Variants in KALRN observed in about 807,000 individuals in gnomAD.
KALRN encodes the protein kalirin RhoGEF kinase, also known as kalirin.
KALRN carries 70 observed loss-of-function variants against 353.7 expected under a neutral mutation model. The ratio of observed to expected loss-of-function variants is 0.20; its 90% CI spans 0.16 to 0.24. The LOEUF is 0.24. Among genes scored for constraint, KALRN ranks in the 10% least tolerant of loss-of-function variants. The probability of loss-of-function intolerance (pLI) is 1.00; values close to 1 mark genes in which losing one functional copy is unlikely to be tolerated. For missense variants in KALRN, 2,791 were observed against 3,756.7 expected, an observed-to-expected ratio of 0.74 and a Z score of 6.72; for synonymous variants, 1,391 against 1,434.8, an observed-to-expected ratio of 0.97 and a Z score of 0.69.
chr3:124,499,757 C>T (rs918640835), intron 33 of KALRN, among the ~76,000 whole-genome samples: 1 of 152,158 alleles, frequency 6.6e-6, no homozygotes, highest in East Asian at 1.9e-4. Flanking sequence ...ATTACCGTCA[C>T]GTATTAATTT....
chr3:124,596,051 AATG>A (rs1347601444), intron 34 of KALRN, among the ~76,000 whole-genome samples: 1 of 152,208 alleles, frequency 6.6e-6, no homozygotes, highest in Non-Finnish European at 1.5e-5. Context: ...CTACAAATAG[AATG>A]ATATCATTTC....
intron 6 of KALRN, among the ~76,000 whole-genome samples, chr3:124,304,959 G>A (rs1182261785): frequency 6.6e-6 from 1 of 152,190 alleles, no homozygotes; most frequent in East Asian, 1.9e-4. Context: ...CAGTGGCTGT[G>A]CAATGTGTGC....
intron 3 of KALRN, among the ~76,000 whole-genome samples, chr3:124,239,956 G>A (rs1211751521): frequency 1.3e-5 from 2 of 152,142 alleles, no homozygotes; most frequent in African/African-American, 4.8e-5. Flanking sequence ...GAACATTTAG[G>A]TCACATTGTT....
chr3:124,672,760 C>G (rs756861403), intron 48 of KALRN, among the ~76,000 whole-genome samples: 3 of 152,212 alleles, frequency 2.0e-5, no homozygotes, highest in Non-Finnish European at 4.4e-5. Flanking sequence ...ATCAGGCAAA[C>G]CTGGTTTCTA....
Position 124,327,949 on chromosome 3 carries a change from T to C in KALRN, c.1284+1778T>C, listed in dbSNP as rs543133828. 7.2e-5 allele frequency among the ~76,000 whole-genome samples: 11 copies of C among 152,344 alleles called. 1 individual carries two copies. The highest frequency in any genetic ancestry group is 2.6e-4 in the African/African-American group (11 of 41,576). On this transcript the variant is annotated intron_variant, in intron 7 of 59. Coordinates refer to ENST00000682506, the MANE Select transcript of KALRN (RefSeq NM_001388419.1). ...CATTCTGAGCTTGTTTCCTCTTCCG[T>C]AATGTGGAGCTAATCATAAATGGCA...
chr3:124,595,117 T>A (rs1231745317), intron 34 of KALRN, among the ~76,000 whole-genome samples: 1 of 152,048 alleles, frequency 6.6e-6, no homozygotes, highest in African/African-American at 2.4e-5. Flanking sequence ...TAAGTGAAGA[T>A]AAAATTATAT....
At chr3:124,625,049 G>C (rs985929341) in intron 34 of KALRN, among the ~76,000 whole-genome samples, 5 of 152,134 alleles carry the variant, frequency 3.3e-5, no homozygotes, top group African/African-American at 7.2e-5. Context: ...AATTAGGGGA[G>C]GTTTTTATGG....
At chr3:124,482,784 T>G (rs1287916364) in intron 27 of KALRN, 24 bp from the exon 28 acceptor site, 1 of 1,520,104 alleles carries the variant, frequency 6.6e-7, no homozygotes, top group Non-Finnish European at 9.1e-7. Context: ...TGTGTCTAAT[T>G]GCACATTGTT....
At chr3:124,071,756 A>G (rs781317461) in intron 1 of KALRN, among the ~76,000 whole-genome samples, 1 of 152,140 alleles carries the variant, frequency 6.6e-6, no homozygotes, top group Non-Finnish European at 1.5e-5. Context: ...ATACCATCAC[A>G]TTGGCCATTA....
At chr3:124,173,207 G>A (rs1477103437) in intron 1 of KALRN, among the ~76,000 whole-genome samples, 1 of 152,120 alleles carries the variant, frequency 6.6e-6, no homozygotes, top group African/African-American at 2.4e-5. Context: ...GAGACATTAG[G>A]TCATTTTCTT....
At chr3:124,366,640 A>G (rs1405674163) in intron 10 of KALRN, among the ~76,000 whole-genome samples, 10 of 151,676 alleles carry the variant, frequency 6.6e-5, no homozygotes, top group Admixed American at 1.3e-4. Flanking sequence ...CGATTTCTCA[A>G]TCTTTTCCCC....
intron 3 of KALRN, among the ~76,000 whole-genome samples, chr3:124,247,228 T>C (rs952005216): frequency 6.6e-6 from 1 of 152,156 alleles, no homozygotes; most frequent in African/African-American, 2.4e-5. Context: ...AAGACATAGA[T>C]GGGTTTTGTC....
chr3:124,078,626 C>T (rs527981670), intron 1 of KALRN, among the ~76,000 whole-genome samples: 1 of 152,166 alleles, frequency 6.6e-6, no homozygotes, highest in South Asian at 2.1e-4. Context: ...CAAACATAGT[C>T]CTAACATCTC....
chr3:124,488,199 C>T lies in KALRN; in HGVS notation c.4285-5C>T. 6.2e-7 allele frequency: 1 copy of T among 1,602,230 alleles called. No homozygotes were observed. The highest frequency in any genetic ancestry group is 8.5e-7 in the Non-Finnish European group (1 of 1,172,230). On this transcript the variant is annotated splice_polypyrimidine_tract_variant and splice_region_variant and intron_variant, in intron 28 of 59. Transcript: ENST00000682506. The stretch of plus-strand genomic sequence containing the variant: ...CTAATTATGTCCGGACTTTTTTTTC[C>T]CCAGGAACTTTTAACTTGCTGTGAA...
intron 36 of KALRN, among the ~76,000 whole-genome samples, chr3:124,634,606 A>T (rs2081153887): frequency 6.6e-6 from 1 of 152,198 alleles, no homozygotes; most frequent in Non-Finnish European, 1.5e-5. Flanking sequence ...AGCGTAGGTT[A>T]GACGTGCTTC....
At chr3:124,429,467 G>A (rs557490601) in intron 15 of KALRN, among the ~76,000 whole-genome samples, 1 of 152,228 alleles carries the variant, frequency 6.6e-6, no homozygotes, top group African/African-American at 2.4e-5. Context: ...GTGACAGATG[G>A]GTGGTATTTA....
chr3:124,084,413 C>T (rs1004440934), intron 1 of KALRN, among the ~76,000 whole-genome samples: 4 of 152,224 alleles, frequency 2.6e-5, no homozygotes, highest in Admixed American at 2.0e-4. Context: ...ATCCCTGTTG[C>T]TGCTACAGTC....
intron 1 of KALRN, among the ~76,000 whole-genome samples, chr3:124,153,265 C>T (rs2068461908): frequency 1.0e-5 from 1 of 97,960 alleles, no homozygotes; most frequent in Non-Finnish European, 1.9e-5. Flanking sequence ...TATCCCTCCC[C>T]CCTCCCCCCA....
intron 51 of KALRN, among the ~76,000 whole-genome samples, chr3:124,689,157 T>A (rs1185471313): frequency 6.6e-6 from 1 of 152,238 alleles, no homozygotes; most frequent in East Asian, 1.9e-4. Flanking sequence ...ATGTGCATTT[T>A]ATGTGAACAA....
Sources: gnomAD v4.1 joint callset for allele counts (sites outside exome capture counted in the v4.1 genomes callset) on GRCh38, gnomAD v4.1.1 for gene constraint, MANE v1.5 for transcripts, NCBI Gene and HGNC (gene_info 2026-07-23, HGNC 2026-07-21) for gene names.